The following CDK7 variants were observed in gnomAD, a reference collection of about 807,000 sequenced individuals.
The protein encoded by CDK7 is cyclin dependent kinase 7, also known as cyclin-dependent kinase 7.
Under a neutral mutation model 49.1 loss-of-function variants are expected in CDK7, and 25 were observed. The observed-to-expected ratio is 0.51, with a 90% CI of 0.37 to 0.71. CDK7 has a LOEUF of 0.71. Among genes scored for constraint, CDK7 ranks in the 30% least tolerant of loss-of-function variants. The pLI is 0.00. For missense variants in CDK7, 316 were observed against 411.7 expected (o/e 0.77, Z 2.01); for synonymous variants, 107 against 140.0 (o/e 0.76, Z 1.67).
chr5:69,260,510 T>A (rs933720805), intron 7 of CDK7, among the ~76,000 whole-genome samples: 3 of 152,242 alleles, frequency 2.0e-5, no homozygotes, highest in African/African-American at 7.2e-5. Context: ...AACATTTTAG[T>A]TAGATAATCT....
At chr5:69,238,663 A>ATTT (rs200607900) in intron 2 of CDK7, among the ~76,000 whole-genome samples, 36 of 142,268 alleles carry the variant, frequency 2.5e-4, no homozygotes, top group African/African-American at 5.9e-4. Context: ...TTTTTATTTT[A>ATTT]TTTTTTTTTT....
chr5:69,236,171 G>T (rs1748961656), intron 2 of CDK7, among the ~76,000 whole-genome samples: 1 of 151,722 alleles, frequency 6.6e-6, no homozygotes, highest in East Asian at 1.9e-4. Flanking sequence ...AACCTGGGAG[G>T]TGGAGGTTGT....
chr5:69,249,240 G>T (rs1204074804), intron 2 of CDK7, among the ~76,000 whole-genome samples: 1 of 151,820 alleles, frequency 6.6e-6, no homozygotes, highest in Non-Finnish European at 1.5e-5. Context: ...TATCAATTCT[G>T]CTATTAAAAG....
At chr5:69,254,702 G>C in intron 4 of CDK7, 33 bp downstream of exon 4, 1 of 1,133,628 alleles carries the variant, frequency 8.8e-7, no homozygotes, top group Non-Finnish European at 1.3e-6. Context: ...CTGGGATTTG[G>C]GACTCTGCCT....
In CDK7 at chr5:69,254,680, T is replaced by G. The variant is rs771839397; in HGVS notation, c.228+11T>G. The G allele has an allele frequency of 6.5e-6, 9 of 1,394,758 alleles. No homozygotes were observed. The highest frequency in any genetic ancestry group is 1.8e-4 in the Middle Eastern group (1 of 5,642). The allele number at this position is 1,394,758 out of a possible 1,614,324, so 86.4% of individuals were successfully genotyped here. A position where few individuals can be genotyped will look rare whatever the true frequency, so the allele number is the denominator to read the frequency against. ...CCAAATATAATTGGTGTGAGTATGA[T>G]CAAAACTGTTACTGGGATTTGGGAC... On this transcript the variant is annotated intron_variant, in intron 4 of 11. Transcript: ENST00000256443.
intron 2 of CDK7, among the ~76,000 whole-genome samples, chr5:69,251,280 A>C (rs1041237081): frequency 4.6e-5 from 7 of 151,816 alleles, no homozygotes; most frequent in African/African-American, 1.7e-4. Flanking sequence ...GTATTTTTTT[A>C]ATAGAGACGG....
intron 8 of CDK7, among the ~76,000 whole-genome samples, chr5:69,264,824 G>T (rs551812159): frequency 5.9e-5 from 9 of 152,120 alleles, no homozygotes; most frequent in African/African-American, 2.2e-4. Flanking sequence ...TGCAAAATTA[G>T]TTGGGTTTGG....
At chr5:69,236,709 T>C (rs1487154463) in intron 2 of CDK7, among the ~76,000 whole-genome samples, 5 of 151,872 alleles carry the variant, frequency 3.3e-5, no homozygotes, top group Non-Finnish European at 7.4e-5. Context: ...TGGAGTGCAA[T>C]TGTGCGATTT....
intron 10 of CDK7, among the ~76,000 whole-genome samples, chr5:69,275,889 C>T (rs577569217): frequency 6.6e-6 from 1 of 152,244 alleles, no homozygotes; most frequent in African/African-American, 2.4e-5. Flanking sequence ...TTAATCTTGG[C>T]TTCCATCCCC....
Position 69,234,900 on chromosome 5 carries a change from G to A in CDK7, c.-76G>A. 1 of 1,420,890 alleles carries A rather than the reference G, an allele frequency of 7.0e-7. No homozygotes were observed. The highest frequency in any genetic ancestry group is 2.5e-5 in the East Asian group (1 of 40,322). 88.0% of individuals were successfully genotyped at this position (1,420,890 alleles called of 1,614,324 possible). On this transcript the variant is annotated 5_prime_UTR_variant, in exon 1 of 12. Coordinates refer to ENST00000256443, the MANE Select transcript of CDK7 (RefSeq NM_001799.4). Reference sequence around the variant, plus strand: ...CGGTGGACGGAAGTGGGTGTTGGAGGCTTTAAGGTAGCTTTAAATTCGTGT... The same window carrying A: ...CGGTGGACGGAAGTGGGTGTTGGAGACTTTAAGGTAGCTTTAAATTCGTGT...
At chr5:69,254,472 A>T (rs1354480260) in intron 3 of CDK7, 130 bp from the exon 4 acceptor site, 1 of 501,490 alleles carries the variant, frequency 2.0e-6, no homozygotes, top group Non-Finnish European at 3.7e-6. Flanking sequence ...CAGTGAGCCG[A>T]GATCACGCCA....
Position 69,255,463 on chromosome 5 carries a change from C to T in CDK7, c.232C>T (p.Leu78Phe). ...TTTTAATTTTTTAACTTTGCAGCTCCTTGATGCTTTTGGACATAAATCTAA... is the reference window on the plus strand; with the variant it reads ...TTTTAATTTTTTAACTTTGCAGCTCTTTGATGCTTTTGGACATAAATCTAA... Reference protein sequence around the residue: ...ELSHPNIIGLLDAFGHKSNIS... With the variant: ...ELSHPNIIGLFDAFGHKSNIS... Residue 78 changes from leucine (L) to phenylalanine (F), a missense_variant, in exon 5 of 12, where the codon CTT becomes TTT. Transcript: ENST00000256443. 1 of 1,556,220 alleles carries T rather than the reference C, an allele frequency of 6.4e-7. No individual in the cohort carries two copies. Among genetic ancestry groups the T allele is most frequent in the African/African-American group, 1.4e-5 (1 of 72,834 alleles).
intron 2 of CDK7, among the ~76,000 whole-genome samples, chr5:69,240,696 C>T (rs1430402858): frequency 3.9e-5 from 6 of 152,170 alleles, no homozygotes; most frequent in South Asian, 2.1e-4. Context: ...GGCGCGATCT[C>T]GGCTCACTGC....
Position 69,258,055 on chromosome 5 carries a change from G to C in CDK7, c.310G>C (p.Asp104His). 6.5e-7 allele frequency: 1 copy of C among 1,549,532 alleles called. No individual in the cohort carries two copies. Among genetic ancestry groups the C allele is most frequent in the Non-Finnish European group, 8.9e-7 (1 of 1,128,134 alleles). ...ACTTGCTTTACAGGTTATAATAAAG[G>C]ATAATAGTCTTGTGCTGACACCATC... ...METDLEVIIK[D>H]NSLVLTPSHI... is the part of the protein sequence containing the mutation. Residue 104 changes from aspartate to histidine, a missense_variant, in exon 6 of 12, where the codon GAT becomes CAT. By Grantham distance (81) the Asp-to-His change is moderately conservative. Transcript: ENST00000256443.
chr5:69,236,284 G>A (rs1034611501), intron 2 of CDK7, among the ~76,000 whole-genome samples: 1 of 150,644 alleles, frequency 6.6e-6, no homozygotes. Flanking sequence ...CATAACTCAC[G>A]TTCACCTACA....
At chr5:69,251,419 A>AT (rs1337790025) in intron 2 of CDK7, among the ~76,000 whole-genome samples, 1 of 151,926 alleles carries the variant, frequency 6.6e-6, no homozygotes, top group Non-Finnish European at 1.5e-5. Context: ...AACTTTTTAC[A>AT]TTTTTTGTAG....
At chr5:69,260,043 C>A (rs1580315810) in intron 7 of CDK7, 107 bp downstream of exon 7, 1 of 739,868 alleles carries the variant, frequency 1.4e-6, no homozygotes, top group East Asian at 2.6e-5. Flanking sequence ...TTGATAGATA[C>A]CGTCTTAAAA....
At chr5:69,245,352 A>T (rs1254101010) in intron 2 of CDK7, among the ~76,000 whole-genome samples, 2 of 97,328 alleles carry the variant, frequency 2.1e-5, no homozygotes, top group Admixed American at 1.4e-4. Context: ...TTATTTTTTT[A>T]ATTTTTTTTT....
intron 2 of CDK7, among the ~76,000 whole-genome samples, chr5:69,236,112 C>G (rs931736442): frequency 6.6e-6 from 1 of 151,780 alleles, no homozygotes; most frequent in Non-Finnish European, 1.5e-5. Flanking sequence ...GTGGTGGCAC[C>G]TGTCTGTAAT....
Sources: allele counts gnomAD v4.1 joint callset (sites outside exome capture counted in the v4.1 genomes callset), GRCh38; gene constraint gnomAD v4.1.1; transcripts MANE v1.5; gene names NCBI Gene and HGNC (gene_info 2026-07-23, HGNC 2026-07-21).